The following FNDC3A variants were observed in gnomAD, a reference collection of about 807,000 sequenced individuals.
FNDC3A encodes the protein fibronectin type III domain containing 3A.
FNDC3A carries 32 observed loss-of-function variants against 148.9 expected under a neutral mutation model. The observed-to-expected ratio is 0.21, with a 90% CI of 0.16 to 0.29. FNDC3A has a LOEUF of 0.29. Ranked by LOEUF, FNDC3A falls within the 10% of genes least tolerant of loss-of-function variation. The pLI, the probability that FNDC3A is intolerant of heterozygous loss-of-function variation, is 1.00. For missense variants in FNDC3A, 1,191 were observed against 1,452.8 expected (o/e 0.82, Z 2.93); for synonymous variants, 472 against 473.6 (o/e 1.00, Z 0.04).
At chr13:49,202,393 A>G (rs570808348) in intron 24 of FNDC3A, among the ~76,000 whole-genome samples, 126 of 152,332 alleles carry the variant, frequency 8.3e-4, no homozygotes, top group Non-Finnish European at 1.4e-3. Context: ...GGGTTTTTCA[A>G]TTAGTTTTAC....
intron 3 of FNDC3A, among the ~76,000 whole-genome samples, chr13:49,112,890 G>A (rs893103330): frequency 1.3e-5 from 2 of 152,082 alleles, no homozygotes; most frequent in Non-Finnish European, 2.9e-5. Context: ...TGTATTTGGT[G>A]GTGGTCTTGT....
At chr13:49,019,758 G>C (rs1374619027) in intron 2 of FNDC3A, among the ~76,000 whole-genome samples, 1 of 152,132 alleles carries the variant, frequency 6.6e-6, no homozygotes, top group Non-Finnish European at 1.5e-5. Flanking sequence ...TTTATTTTTA[G>C]TCTGTGTTCA....
chr13:49,125,198 T>C (rs906537574), intron 4 of FNDC3A, among the ~76,000 whole-genome samples: 2 of 152,212 alleles, frequency 1.3e-5, no homozygotes. Flanking sequence ...TCAGATATTC[T>C]GCAAATCAAT....
At chr13:49,161,050 A>C (rs1171252818) in intron 8 of FNDC3A, among the ~76,000 whole-genome samples, 1 of 152,160 alleles carries the variant, frequency 6.6e-6, no homozygotes, top group Admixed American at 6.5e-5. Context: ...CTATGTGGTC[A>C]GTTTTGGAAT....
chr13:48,982,356 A>AT (rs913000751), intron 1 of FNDC3A, among the ~76,000 whole-genome samples: 27 of 152,270 alleles, frequency 1.8e-4, no homozygotes, highest in African/African-American at 6.5e-4. Flanking sequence ...ACCTAAAAAA[A>AT]ATTTTTAGCA....
At chr13:49,197,355 GTAA>G (rs910802336) in intron 20 of FNDC3A, among the ~76,000 whole-genome samples, 3 of 151,142 alleles carry the variant, frequency 2.0e-5, no homozygotes, top group African/African-American at 7.3e-5. Context: ...ATTGTGGATA[GTAA>G]TAATCAGTGA....
chr13:49,191,368 C>T lies in FNDC3A; in HGVS notation c.2210C>T (p.Ala737Val), dbSNP rs763284396. 32 of 1,593,150 alleles carry T rather than the reference C, an allele frequency of 2.0e-5. No homozygotes were observed. In the Admixed American group the frequency reaches 5.8e-4, roughly 29 times the overall value. Residue 737 changes from alanine (A) to valine (V), a missense_variant, in exon 19 of 26, where the codon GCA becomes GTA. Around this residue, in one of 3 missense-constraint regions of FNDC3A, gnomAD observed 751 missense variants for 944.0 expected, o/e 0.80. Coordinates refer to ENST00000492622, the MANE Select transcript of FNDC3A (RefSeq NM_001079673.2). ...AAGACATACAGCTTCAGACTACGTGCAGCTAACAAAATGGGGGTAAGAAGA... is the reference window on the plus strand; with the variant it reads ...AAGACATACAGCTTCAGACTACGTGTAGCTAACAAAATGGGGGTAAGAAGA... The part of the protein sequence containing the change: ...PGKTYSFRLR[A>V]ANKMGFGPFS...
At chr13:49,031,001 CTAAA>C (rs1168415672) in intron 2 of FNDC3A, among the ~76,000 whole-genome samples, 1 of 152,086 alleles carries the variant, frequency 6.6e-6, no homozygotes. Context: ...CAAGTTGAGC[CTAAA>C]ATTTGTATGG....
chr13:49,193,073 CCTTA>C lies in FNDC3A; in HGVS notation c.2226+1693_2226+1696del, dbSNP rs550806151. Among the ~76,000 whole-genome samples the C allele has an allele frequency of 9.1e-3, 1,382 of 152,212 alleles. 11 individuals carry two copies. The highest frequency in any genetic ancestry group is 0.014 in the Non-Finnish European group (967 of 68,000). ...CCCTATAGGACTTGAGGAACAGAAT[CCTTA>C]CTTCAGTTCTTATAAATAGTTGTGC... On this transcript the variant is annotated intron_variant, in intron 19 of 25. Coordinates refer to ENST00000492622, the MANE Select transcript of FNDC3A (RefSeq NM_001079673.2).
At chr13:49,065,994 T>C in intron 2 of FNDC3A, among the ~76,000 whole-genome samples, 1 of 152,200 alleles carries the variant, frequency 6.6e-6, no homozygotes, top group South Asian at 2.1e-4. Context: ...ATGAATGTTA[T>C]TCATTTACTT....
chr13:49,207,502 G>A lies in FNDC3A; in HGVS notation c.*107G>A, dbSNP rs1886707103. 2.8e-6 allele frequency: 2 copies of A among 721,252 alleles called. No homozygotes were observed. Among genetic ancestry groups the A allele is most frequent in the South Asian group, 2.0e-5 (1 of 50,300 alleles). The allele number at this position is 721,252 out of a possible 1,614,324, so 44.7% of individuals were successfully genotyped here. A position where few individuals can be genotyped will look rare whatever the true frequency, so the allele number is the denominator to read the frequency against. ...CAGTGGCATTTAGCACTGGCATTGA[G>A]ACTATAGCACATCATTTTTGCCATT... On this transcript the variant is annotated 3_prime_UTR_variant, in exon 26 of 26. Transcript: ENST00000492622.
intron 2 of FNDC3A, among the ~76,000 whole-genome samples, chr13:49,064,599 G>T (rs950700493): frequency 5.9e-5 from 9 of 152,186 alleles, no homozygotes; most frequent in Non-Finnish European, 1.3e-4. Context: ...GGAGAAGGGA[G>T]AGGATACGTC....
intron 6 of FNDC3A, among the ~76,000 whole-genome samples, chr13:49,138,132 C>T (rs535643862): frequency 3.5e-4 from 54 of 152,266 alleles, no homozygotes; most frequent in Admixed American, 1.1e-3. Flanking sequence ...CCTTCCTTTT[C>T]CTTAAAATTT....
intron 24 of FNDC3A, among the ~76,000 whole-genome samples, chr13:49,202,209 A>T (rs1420782685): frequency 6.6e-6 from 1 of 152,190 alleles, no homozygotes; most frequent in African/African-American, 2.4e-5. Context: ...ATAATGTAGC[A>T]TAAAAATACT....
At chr13:49,164,305 A>G (rs1427025688) in intron 8 of FNDC3A, among the ~76,000 whole-genome samples, 3 of 152,046 alleles carry the variant, frequency 2.0e-5, no homozygotes, top group Non-Finnish European at 4.4e-5. Context: ...TTCTCTTACT[A>G]TCTTTAGAAT....
intron 5 of FNDC3A, among the ~76,000 whole-genome samples, chr13:49,131,809 GAAAGTTAATAAAT>G (rs536407850): frequency 6.1e-4 from 93 of 152,302 alleles, no homozygotes; most frequent in Admixed American, 4.1e-3. Context: ...TAAATTTGGG[GAAAGTTAATAAAT>G]AAAGTTAATA....
Position 49,059,450 on chromosome 13 carries a change from T to C in FNDC3A, c.100-15839T>C, listed in dbSNP as rs554482072. Among the ~76,000 whole-genome samples the C allele has an allele frequency of 6.6e-5, 10 of 152,316 alleles. No individual in the cohort carries two copies. The South Asian group carries it at 1.9e-3, about 28-fold the overall frequency. On this transcript the variant is annotated intron_variant, in intron 2 of 25. Coordinates refer to ENST00000492622, the MANE Select transcript of FNDC3A (RefSeq NM_001079673.2). Reference sequence around the variant, plus strand: ...GTCTATAGAATGATAGAAACTGTTTTGTTTTTGTTGTTTGTTTGTTTTGGG... The same window carrying C: ...GTCTATAGAATGATAGAAACTGTTTCGTTTTTGTTGTTTGTTTGTTTTGGG...
chr13:49,206,596 T>C (rs1215547556), intron 25 of FNDC3A, among the ~76,000 whole-genome samples: 3 of 152,188 alleles, frequency 2.0e-5, no homozygotes, highest in Non-Finnish European at 4.4e-5. Context: ...TATACAGTGA[T>C]TTGCCATAGG....
chr13:49,121,182 T>A (rs1220391628), intron 4 of FNDC3A, among the ~76,000 whole-genome samples: 4 of 152,112 alleles, frequency 2.6e-5, no homozygotes, highest in Non-Finnish European at 5.9e-5. Flanking sequence ...GAACTCAGGA[T>A]TAAGAAACTC....
Sources: gnomAD v4.1 joint callset for allele counts (sites outside exome capture counted in the v4.1 genomes callset) on GRCh38, gnomAD v4.1.1 for gene constraint, gnomAD v4.1.1 regional missense constraint, MANE v1.5 for transcripts, NCBI Gene and HGNC (gene_info 2026-07-23, HGNC 2026-07-21) for gene names.